Variants in PAPPA observed in about 807,000 individuals in gnomAD.
PAPPA encodes the protein pappalysin-1.
PAPPA carries 60 observed loss-of-function variants against 164.0 expected under a neutral mutation model. That is an observed-to-expected ratio of 0.37 (90% CI 0.30 to 0.45). The LOEUF (loss-of-function observed/expected upper bound fraction) is 0.45. Ranked by LOEUF, PAPPA falls within the 20% of genes least tolerant of loss-of-function variation. The pLI, the probability that PAPPA is intolerant of heterozygous loss-of-function variation, is 1.00. For missense variants in PAPPA, 1,782 were observed against 2,087.3 expected, an observed-to-expected ratio of 0.85 and a Z score of 2.85; for synonymous variants, 875 against 814.1, an observed-to-expected ratio of 1.07 and a Z score of -1.27.
At chr9:116,285,163 C>CT (rs1845318481) in intron 9 of PAPPA, among the ~76,000 whole-genome samples, 1 of 98,672 alleles carries the variant, frequency 1.0e-5, no homozygotes, top group Non-Finnish European at 2.1e-5. Context: ...TTTTTCTTTT[C>CT]TTTCTTTCTT....
rs970968977 is a variant in PAPPA at position 116,334,880 on chromosome 9, C to T, written c.3417C>T (p.Cys1139=). 6 of 1,613,974 alleles carry T rather than the reference C, an allele frequency of 3.7e-6. No individual in the cohort carries two copies. Among genetic ancestry groups the T allele is most frequent in the Non-Finnish European group, 5.1e-6 (6 of 1,179,868 alleles). Reference sequence around the variant, plus strand: ...TGACAGGCCTCCATGTCCTGAGCTGCAGGAACAATCCCCTGATTATCCCTG... The same window carrying T: ...TGACAGGCCTCCATGTCCTGAGCTGTAGGAACAATCCCCTGATTATCCCTG... ...SHDLGLHVLS[C]RNNPLIIPVV... is the part of the protein sequence containing the mutation. The change falls in exon 13 of 22, where the codon TGC becomes TGT. Residue 1139 remains cysteine, a synonymous_variant. Transcript: ENST00000328252.
At chr9:116,368,418 T>C (rs372924756) in intron 19 of PAPPA, among the ~76,000 whole-genome samples, 5 of 152,344 alleles carry the variant, frequency 3.3e-5, no homozygotes, top group African/African-American at 1.2e-4. Context: ...TGATGGGCCC[T>C]GAACCAAGGC....
At chr9:116,380,627 C>T (rs553747961) in intron 20 of PAPPA, among the ~76,000 whole-genome samples, 1 of 152,318 alleles carries the variant, frequency 6.6e-6, no homozygotes, top group South Asian at 2.1e-4. Context: ...CCCCACTGCT[C>T]TAATGTGGAT....
At chr9:116,160,410 G>T (rs888480456) in intron 1 of PAPPA, among the ~76,000 whole-genome samples, 11 of 152,198 alleles carry the variant, frequency 7.2e-5, no homozygotes, top group Admixed American at 7.2e-4. Flanking sequence ...GGAGAGAGAA[G>T]CCTCTTTGAA....
In PAPPA at chr9:116,396,757, C is replaced by G; in HGVS notation, c.*141C>G. The stretch of plus-strand genomic sequence containing the variant: ...CCCAACCGGTCTGCCTTTAATTTTA[C>G]CCAGGAAGGACTCACATTGGGGCGA... On this transcript the variant is annotated 3_prime_UTR_variant, in exon 22 of 22. Transcript: ENST00000328252. The G allele has an allele frequency of 1.6e-6, 1 of 611,690 alleles. No individual in the cohort carries two copies. The highest frequency in any genetic ancestry group is 1.8e-5 in the African/African-American group (1 of 54,338). 37.9% of individuals were successfully genotyped at this position (611,690 alleles called of 1,614,324 possible).
intron 4 of PAPPA, among the ~76,000 whole-genome samples, chr9:116,212,768 A>G (rs1844324617): frequency 6.6e-6 from 1 of 152,220 alleles, no homozygotes; most frequent in South Asian, 2.1e-4. Flanking sequence ...GCTGGAGGGA[A>G]GGAAGGAGGA....
intron 4 of PAPPA, among the ~76,000 whole-genome samples, chr9:116,218,899 A>G (rs1844408459): frequency 6.6e-6 from 1 of 152,188 alleles, no homozygotes; most frequent in African/African-American, 2.4e-5. Context: ...TGCGTACTCC[A>G]AAACTCCAGA....
chr9:116,247,582 C>T (rs1023019795), intron 7 of PAPPA, among the ~76,000 whole-genome samples: 1 of 152,064 alleles, frequency 6.6e-6, no homozygotes, highest in African/African-American at 2.4e-5. Context: ...TGCTCCAATT[C>T]CTGATTTTTA....
intron 2 of PAPPA, among the ~76,000 whole-genome samples, chr9:116,202,541 A>G (rs910524618): frequency 3.3e-5 from 5 of 152,132 alleles, no homozygotes; most frequent in Non-Finnish European, 5.9e-5. Flanking sequence ...CGCAATCTCA[A>G]TAGTGGGATC....
intron 9 of PAPPA, among the ~76,000 whole-genome samples, chr9:116,281,483 T>C (rs578018424): frequency 1.3e-5 from 2 of 152,080 alleles, no homozygotes; most frequent in Non-Finnish European, 2.9e-5. Context: ...AGCCAATCAT[T>C]GAGACACTGA....
At chr9:116,350,493 A>G (rs1434949745) in intron 15 of PAPPA, among the ~76,000 whole-genome samples, 1 of 152,114 alleles carries the variant, frequency 6.6e-6, no homozygotes, top group African/African-American at 2.4e-5. Context: ...CAGAAAGCAC[A>G]TTTCTGGTTT....
chr9:116,305,127 GCACACAGA>G (rs1318866017), intron 10 of PAPPA, among the ~76,000 whole-genome samples: 14 of 80,750 alleles, frequency 1.7e-4, no homozygotes, highest in South Asian at 1.3e-3. Context: ...AAGTACGTGG[GCACACAGA>G]CACACACACA....
chr9:116,178,649 T>C (rs113402193), intron 1 of PAPPA, among the ~76,000 whole-genome samples: 43 of 152,356 alleles, frequency 2.8e-4, no homozygotes, highest in African/African-American at 1.0e-3. Context: ...CCACTGTCCA[T>C]GTGTTGTAAC....
chr9:116,252,750 C>A (rs1844874404), intron 7 of PAPPA, among the ~76,000 whole-genome samples: 1 of 152,222 alleles, frequency 6.6e-6, no homozygotes, highest in Non-Finnish European at 1.5e-5. Context: ...GAGCCTCCTG[C>A]CATCTACTGC....
chr9:116,371,351 A>G (rs770192285), intron 19 of PAPPA, among the ~76,000 whole-genome samples: 29 of 152,186 alleles, frequency 1.9e-4, no homozygotes, highest in Non-Finnish European at 3.4e-4. Context: ...CAGGAGGCGG[A>G]GGTTGCAGTG....
intron 1 of PAPPA, among the ~76,000 whole-genome samples, chr9:116,158,934 A>G (rs113461021): frequency 9.2e-5 from 14 of 152,338 alleles, no homozygotes; most frequent in African/African-American, 3.4e-4. Context: ...CTCTGTCAGC[A>G]GTCTTTTTGG....
intron 9 of PAPPA, among the ~76,000 whole-genome samples, chr9:116,283,512 T>C (rs533200887): frequency 8.5e-5 from 13 of 152,280 alleles, no homozygotes; most frequent in Admixed American, 2.6e-4. Context: ...CAGTAGTTTC[T>C]GGGCAGAGGC....
rs1404262652 is a variant in PAPPA, at chr9:116,398,390, C to T, written c.*1774C>T. On this transcript the variant is annotated 3_prime_UTR_variant, in exon 22 of 22. Transcript: ENST00000328252. ...TGAAGACAGCCAACAGAAACAAAAC[C>T]TAGCATAGGGATAGAAAATACCATG... 1 of 344,848 alleles carries T rather than the reference C, an allele frequency of 2.9e-6. No homozygotes were observed. Among genetic ancestry groups the T allele is most frequent in the East Asian group, 8.0e-5 (1 of 12,578 alleles). 21.4% of individuals were successfully genotyped at this position (344,848 alleles called of 1,614,324 possible). A position where few individuals can be genotyped will look rare whatever the true frequency, so the allele number is the denominator to read the frequency against.
At chr9:116,210,078 A>T (rs927902493) in intron 3 of PAPPA, among the ~76,000 whole-genome samples, 16 of 152,086 alleles carry the variant, frequency 1.1e-4, no homozygotes, top group Admixed American at 3.3e-4. Context: ...TGGGAAGCGG[A>T]TTATGTTTCA....
Sources: gnomAD v4.1 joint callset for allele counts (sites outside exome capture counted in the v4.1 genomes callset) on GRCh38, gnomAD v4.1.1 for gene constraint, MANE v1.5 for transcripts, NCBI Gene and HGNC (gene_info 2026-07-23, HGNC 2026-07-21) for gene names.